Variants in ALK observed in about 807,000 individuals in gnomAD.
ALK encodes ALK tyrosine kinase receptor.
In ALK, 74 loss-of-function variants were observed where a neutral mutation model predicts 163.1. The ratio of observed to expected loss-of-function variants is 0.45; its 90% CI spans 0.38 to 0.55. The LOEUF is 0.55. Among genes scored for constraint, ALK ranks in the 20% least tolerant of loss-of-function variants. ALK has a pLI of 0.00. For synonymous variants in ALK, 960 were observed against 843.2 expected, an observed-to-expected ratio of 1.14 and a Z score of -2.40; for missense variants, 2,063 against 2,105.3, an observed-to-expected ratio of 0.98 and a Z score of 0.39.
chr2:29,704,743 A>G (rs1678845191), intron 2 of ALK, among the ~76,000 whole-genome samples: 1 of 152,086 alleles, frequency 6.6e-6, no homozygotes, highest in Non-Finnish European at 1.5e-5. Context: ...GTCTGTTCTC[A>G]GGCCAGGAGC....
chr2:29,709,145 T>A (rs1437370956), intron 2 of ALK, among the ~76,000 whole-genome samples: 1 of 152,152 alleles, frequency 6.6e-6, no homozygotes, highest in Non-Finnish European at 1.5e-5. Flanking sequence ...CTCAGCTCAC[T>A]CATGTCTGCT....
At chr2:29,773,088 C>A (rs991077119) in intron 1 of ALK, among the ~76,000 whole-genome samples, 17 of 152,154 alleles carry the variant, frequency 1.1e-4, no homozygotes, top group African/African-American at 3.1e-4. Flanking sequence ...TTAATTACAA[C>A]CATATGTTGA....
chr2:29,687,235 C>T (rs867176256), intron 3 of ALK, among the ~76,000 whole-genome samples: 6 of 152,008 alleles, frequency 3.9e-5, no homozygotes, highest in South Asian at 2.1e-4. Flanking sequence ...GAGCCTGCTG[C>T]ACACTTATTT....
intron 12 of ALK, among the ~76,000 whole-genome samples, chr2:29,244,195 G>A (rs139400979): frequency 2.0e-5 from 3 of 152,194 alleles, no homozygotes; most frequent in South Asian, 4.1e-4. Context: ...CTGGAGGAGC[G>A]GCAGAGTGGC....
At chr2:29,252,179 C>T (rs115693525) in intron 11 of ALK, among the ~76,000 whole-genome samples, 25 of 149,908 alleles carry the variant, frequency 1.7e-4, no homozygotes, top group Middle Eastern at 3.4e-3. Flanking sequence ...CACCCCCCCA[C>T]CCCCCGCGGG....
rs1437574481 is a variant in ALK, at chr2:29,829,311, A to AT, written c.667+90681dup. The stretch of plus-strand genomic sequence containing the variant: ...CATGTACCCTAAAACTTAAAGTATA[A>AT]TAAAAAAAAAAAAGAAAGAAAGATG... On this transcript the variant is annotated intron_variant, in intron 1 of 28. Coordinates refer to ENST00000389048, the MANE Select transcript of ALK (RefSeq NM_004304.5). Among the ~76,000 whole-genome samples the AT allele has an allele frequency of 1.8e-4, 20 of 110,520 alleles. No individual in the cohort carries two copies. The East Asian group carries it at 2.8e-3, about 15-fold the overall frequency. 72.5% of individuals were successfully genotyped at this position (110,520 alleles called of 152,430 possible). A position where few individuals can be genotyped will look rare whatever the true frequency, so the allele number is the denominator to read the frequency against.
chr2:29,736,272 A>G (rs1679889519), intron 1 of ALK, among the ~76,000 whole-genome samples: 2 of 152,094 alleles, frequency 1.3e-5, no homozygotes, highest in East Asian at 1.9e-4. Context: ...AAATGCCTGG[A>G]AGGAAATGCA....
chr2:29,297,144 T>G lies in ALK; in HGVS notation c.1648-87A>C, dbSNP rs1310751297. ...TTCTCCACTGAAGTTTCAAGGACCT[T>G]ATAAGAGACTCAGCTGAGTTCAGCC... On this transcript the variant is annotated intron_variant, in intron 8 of 28. Coordinates refer to ENST00000389048, the MANE Select transcript of ALK (RefSeq NM_004304.5). The G allele has an allele frequency of 2.0e-6, 3 of 1,506,920 alleles. No individual in the cohort carries two copies. The East Asian group carries it at 6.9e-5, about 35-fold the overall frequency. The allele number at this position is 1,506,920 out of a possible 1,614,324, so 93.3% of individuals were successfully genotyped here.
chr2:29,551,441 A>G (rs1673711104), intron 3 of ALK, among the ~76,000 whole-genome samples: 1 of 152,158 alleles, frequency 6.6e-6, no homozygotes, highest in Middle Eastern at 3.2e-3. Context: ...TGAACTATGC[A>G]TGTGCTTGGT....
intron 11 of ALK, among the ~76,000 whole-genome samples, chr2:29,258,889 A>G (rs140323381): frequency 1.3e-5 from 2 of 152,270 alleles, no homozygotes; most frequent in African/African-American, 2.4e-5. Flanking sequence ...GCTTTTTGCT[A>G]CTGGGTTGGT....
At chr2:29,248,784 G>A (rs1337807474) in intron 12 of ALK, among the ~76,000 whole-genome samples, 1 of 152,220 alleles carries the variant, frequency 6.6e-6, no homozygotes, top group African/African-American at 2.4e-5. Flanking sequence ...AATAATAAAT[G>A]GGAAAATGAA....
chr2:29,297,042 G>A lies in ALK; in HGVS notation c.1663C>T (p.Leu555Phe), dbSNP rs769229444. The change falls in exon 9 of 29, where the codon CTC (leucine) becomes TTC (phenylalanine). Residue 555 changes from leucine to phenylalanine, a missense_variant. Physicochemically the swap from Leu to Phe is conservative, Grantham distance 22. Around this residue, in one of 5 missense-constraint regions of ALK, gnomAD observed 987 missense variants for 939.5 expected, o/e 1.05. Transcript: ENST00000389048. ...TTTCCCCTCAAGACTCCACGAATGA[G>A]CCAGGACATTCGGAGCTGTGAGGGC... ...SSPCELRMSW[L>F]IRGVLRGNVS... is the part of the protein sequence containing the mutation. 3.1e-6 allele frequency: 5 copies of A among 1,614,204 alleles called. No individual in the cohort carries two copies. In the Admixed American group the frequency reaches 8.3e-5, roughly 27 times the overall value.
At chr2:29,638,750 G>C (rs1002911378) in intron 3 of ALK, among the ~76,000 whole-genome samples, 3 of 152,094 alleles carry the variant, frequency 2.0e-5, no homozygotes, top group Non-Finnish European at 4.4e-5. Flanking sequence ...CTGCCTATTT[G>C]GGATCAGAAG....
chr2:29,240,819 G>T (rs1664504768), intron 12 of ALK, among the ~76,000 whole-genome samples: 1 of 152,206 alleles, frequency 6.6e-6, no homozygotes, highest in African/African-American at 2.4e-5. Context: ...GGGACCAGCT[G>T]CCAGGGTATG....
rs116977858 is a variant in ALK, at chr2:29,754,273, T to C, written c.668-36576A>G. Among the ~76,000 whole-genome samples, 111 of 152,230 alleles carry C rather than the reference T, an allele frequency of 7.3e-4. 3 individuals carry two copies. The East Asian group carries it at 0.02, about 27-fold the overall frequency. On this transcript the variant is annotated intron_variant, in intron 1 of 28. Transcript: ENST00000389048. ...GCTATCCAAGGGTGGCCACAGCAAG[T>C]TCAGCAGGATGCAGAATATAGCAGC...
At chr2:29,722,934 T>C (rs1408020445) in intron 1 of ALK, among the ~76,000 whole-genome samples, 1 of 152,204 alleles carries the variant, frequency 6.6e-6, no homozygotes, top group Non-Finnish European at 1.5e-5. Context: ...CTTCCTTTTA[T>C]TCACACCCCA....
At chr2:29,310,169 G>A (rs547317914) in intron 8 of ALK, among the ~76,000 whole-genome samples, 4 of 152,216 alleles carry the variant, frequency 2.6e-5, no homozygotes, top group African/African-American at 7.2e-5. Context: ...AAATCAAATC[G>A]AGTATTTATA....
intron 1 of ALK, among the ~76,000 whole-genome samples, chr2:29,755,596 G>T (rs1295447723): frequency 6.6e-6 from 1 of 152,202 alleles, no homozygotes; most frequent in Non-Finnish European, 1.5e-5. Flanking sequence ...TGAGAGACAG[G>T]CTCACCATTC....
intron 1 of ALK, among the ~76,000 whole-genome samples, chr2:29,736,849 G>T (rs1049371055): frequency 2.0e-5 from 3 of 152,034 alleles, no homozygotes; most frequent in Non-Finnish European, 4.4e-5. Flanking sequence ...TTTAATACTT[G>T]TCAAAATTTA....
Sources: allele counts gnomAD v4.1 joint callset (sites outside exome capture counted in the v4.1 genomes callset), GRCh38; gene constraint gnomAD v4.1.1; regional missense constraint gnomAD v4.1.1; transcripts MANE v1.5; gene names NCBI Gene and HGNC (gene_info 2026-07-23, HGNC 2026-07-21).